The following SEZ6L variants were observed in gnomAD, a reference collection of about 807,000 sequenced individuals.
SEZ6L encodes seizure related 6 homolog like, also known as seizure 6-like protein.
SEZ6L carries 37 observed loss-of-function variants against 106.2 expected under a neutral mutation model. The ratio of observed to expected loss-of-function variants is 0.35; its 90% confidence interval spans 0.27 to 0.46. SEZ6L has a LOEUF of 0.46. Ranked by LOEUF, SEZ6L falls within the 20% of genes least tolerant of loss-of-function variation. SEZ6L has a pLI of 1.00. For synonymous variants in SEZ6L, 541 were observed against 570.4 expected (o/e 0.95, Z 0.73); for missense variants, 1,172 against 1,332.8 (o/e 0.88, Z 1.88).
intron 1 of SEZ6L, among the ~76,000 whole-genome samples, chr22:26,254,260 C>A (rs2145801263): frequency 6.6e-6 from 1 of 152,192 alleles, no homozygotes; most frequent in Admixed American, 6.5e-5. Context: ...CAGGGAATTT[C>A]TGCTTGAAGA....
chr22:26,286,285 C>T (rs1181865074), intron 1 of SEZ6L, among the ~76,000 whole-genome samples: 1 of 152,216 alleles, frequency 6.6e-6, no homozygotes, highest in Non-Finnish European at 1.5e-5. Context: ...TGATTACAAC[C>T]TTGTGTGTGC....
In SEZ6L at chr22:26,203,024, C is replaced by T. The variant is rs1438654387; in HGVS notation, c.94+33261C>T. 5.3e-5 allele frequency among the ~76,000 whole-genome samples: 8 copies of T among 152,310 alleles called. No individual in the cohort carries two copies. The East Asian group carries it at 5.8e-4, about 11-fold the overall frequency. ...TGAGGACAGATTATCATTGCAGCTC[C>T]CACTGGTGGAGCAATTCCTAGAGTT... On this transcript the variant is annotated intron_variant, in intron 1 of 16. Transcript: ENST00000248933.
intron 12 of SEZ6L, among the ~76,000 whole-genome samples, chr22:26,359,669 A>G (rs1276230540): frequency 6.6e-6 from 1 of 152,038 alleles, no homozygotes; most frequent in Non-Finnish European, 1.5e-5. Flanking sequence ...GCCAGGCATG[A>G]TGGTGCACGC....
chr22:26,312,845 C>A (rs1236569902), intron 8 of SEZ6L, among the ~76,000 whole-genome samples: 1 of 152,190 alleles, frequency 6.6e-6, no homozygotes, highest in East Asian at 1.9e-4. Context: ...GCTGGCATTA[C>A]AGGCATGAGC....
intron 1 of SEZ6L, among the ~76,000 whole-genome samples, chr22:26,236,245 C>T (rs2078954994): frequency 6.6e-6 from 1 of 152,210 alleles, no homozygotes; most frequent in Admixed American, 6.5e-5. Context: ...ACGTGTGGCT[C>T]AGCTCTGGAG....
At chr22:26,330,553 G>A (rs953595922) in intron 9 of SEZ6L, among the ~76,000 whole-genome samples, 1 of 152,158 alleles carries the variant, frequency 6.6e-6, no homozygotes, top group African/African-American at 2.4e-5. Context: ...GAAAGATGGA[G>A]GCTTTAAGGG....
At chr22:26,258,264 C>A (rs1167767573) in intron 1 of SEZ6L, among the ~76,000 whole-genome samples, 1 of 152,172 alleles carries the variant, frequency 6.6e-6, no homozygotes, top group East Asian at 1.9e-4. Context: ...ACATCAGGCA[C>A]CGCACCAGGC....
chr22:26,348,704 A>G (rs1367135005), intron 11 of SEZ6L, among the ~76,000 whole-genome samples: 1 of 79,092 alleles, frequency 1.3e-5, no homozygotes, highest in Non-Finnish European at 2.5e-5. Flanking sequence ...GAAAGAAAGA[A>G]GGCAAGGGAG....
intron 10 of SEZ6L, among the ~76,000 whole-genome samples, chr22:26,344,663 T>C (rs149693908): frequency 9.2e-5 from 14 of 152,370 alleles, no homozygotes; most frequent in Non-Finnish European, 2.1e-4. Context: ...ACCGAAACCA[T>C]GACTTCAGAT....
chr22:26,292,192 G>C (rs964521389), intron 1 of SEZ6L: 1 of 498,642 alleles, frequency 2.0e-6, no homozygotes, highest in Non-Finnish European at 3.5e-6. Flanking sequence ...AGGAGGGAGG[G>C]TGGGAGGAAA....
chr22:26,382,126 G>A lies in SEZ6L; in HGVS notation c.*1831G>A. ...TATACTCCTGAAGGCATGAGTGTGT[G>A]GTCCATGGCAAGAAATAGCTAAAGG... is the stretch of plus-strand genomic sequence containing the variant. On this transcript the variant is annotated 3_prime_UTR_variant, in exon 17 of 17. Transcript: ENST00000248933. 2.0e-6 allele frequency: 1 copy of A among 489,292 alleles called. No individual in the cohort carries two copies. Among genetic ancestry groups the A allele is most frequent in the South Asian group, 1.5e-5 (1 of 66,524 alleles). 30.3% of individuals were successfully genotyped at this position (489,292 alleles called of 1,614,324 possible).
chr22:26,199,772 G>A (rs929449648), intron 1 of SEZ6L, among the ~76,000 whole-genome samples: 17 of 152,144 alleles, frequency 1.1e-4, no homozygotes, highest in Non-Finnish European at 2.4e-4. Flanking sequence ...AGCATGACAA[G>A]ACTGGAAGTT....
intron 13 of SEZ6L, among the ~76,000 whole-genome samples, chr22:26,371,252 C>T (rs2084025630): frequency 6.6e-6 from 1 of 152,110 alleles, no homozygotes; most frequent in Non-Finnish European, 1.5e-5. Flanking sequence ...ACTTTTCATC[C>T]TGCAGGACAG....
At chr22:26,351,563 T>TTG in intron 12 of SEZ6L, 1 of 248,596 alleles carries the variant, frequency 4.0e-6, no homozygotes, top group East Asian at 1.0e-4. Context: ...GTTGGTTGGT[T>TTG]TTAGATGGAA....
intron 1 of SEZ6L, among the ~76,000 whole-genome samples, chr22:26,171,024 G>A (rs1414864461): frequency 6.6e-6 from 1 of 152,168 alleles, no homozygotes; most frequent in Non-Finnish European, 1.5e-5. Flanking sequence ...CTGGCTCTGG[G>A]TCCCTTTCCC....
intron 10 of SEZ6L, among the ~76,000 whole-genome samples, chr22:26,340,957 A>G (rs756357372): frequency 1.1e-4 from 16 of 152,254 alleles, no homozygotes; most frequent in Non-Finnish European, 1.9e-4. Context: ...CTCATAACTT[A>G]TGTTTCATGT....
At chr22:26,373,422 T>A (rs2084108872) in intron 13 of SEZ6L, 29 bp from the exon 14 acceptor site, 1 of 1,598,150 alleles carries the variant, frequency 6.3e-7, no homozygotes. Flanking sequence ...CACTTTACAT[T>A]GACCAATGCT....
At chr22:26,339,277 G>A (rs1399567040) in intron 9 of SEZ6L, among the ~76,000 whole-genome samples, 1 of 152,138 alleles carries the variant, frequency 6.6e-6, no homozygotes, top group African/African-American at 2.4e-5. Context: ...TAAGGAGAAG[G>A]AGACAAGAAA....
At chr22:26,302,943 G>A (rs1043014790) in intron 5 of SEZ6L, among the ~76,000 whole-genome samples, 1 of 152,212 alleles carries the variant, frequency 6.6e-6, no homozygotes, top group South Asian at 2.1e-4. Flanking sequence ...GAGCCACAGG[G>A]CAATAGAGCT....
Sources: gnomAD v4.1 joint callset for allele counts (sites outside exome capture counted in the v4.1 genomes callset) on GRCh38, gnomAD v4.1.1 for gene constraint, MANE v1.5 for transcripts, NCBI Gene and HGNC (gene_info 2026-07-23, HGNC 2026-07-21) for gene names.